Variants in GRIP1 observed in about 807,000 individuals in gnomAD.
The protein encoded by GRIP1 is glutamate receptor-interacting protein 1.
A neutral mutation model predicts 129.9 loss-of-function variants in GRIP1; 45 were observed. The ratio of observed to expected loss-of-function variants is 0.35; its 90% CI spans 0.27 to 0.44. GRIP1 has a LOEUF of 0.44. GRIP1 is among the 20% of genes least tolerant of loss of function. GRIP1 has a pLI of 1.00. For synonymous variants in GRIP1, 530 were observed against 520.8 expected (o/e 1.02, Z -0.24); for missense variants, 1,196 against 1,396.8 (o/e 0.86, Z 2.29).
intron 1 of GRIP1, among the ~76,000 whole-genome samples, chr12:67,063,274 G>A (rs1381808875): frequency 6.6e-6 from 1 of 152,128 alleles, no homozygotes; most frequent in African/African-American, 2.4e-5. Context: ...TCTTTACATT[G>A]TATTCATCAC....
At chr12:66,515,162 G>C (rs988322888) in intron 7 of GRIP1, among the ~76,000 whole-genome samples, 3 of 151,922 alleles carry the variant, frequency 2.0e-5, no homozygotes, top group African/African-American at 7.3e-5. Flanking sequence ...CCCTAAATCT[G>C]ATTGTGAAAT....
intron 7 of GRIP1, among the ~76,000 whole-genome samples, chr12:66,469,704 C>T (rs1474105746): frequency 6.6e-6 from 1 of 152,014 alleles, no homozygotes; most frequent in African/African-American, 2.4e-5. Context: ...TTATTGACAA[C>T]AGTCTACAGA....
intron 13 of GRIP1, among the ~76,000 whole-genome samples, chr12:66,434,048 T>G (rs911153279): frequency 3.9e-5 from 6 of 152,212 alleles, no homozygotes; most frequent in African/African-American, 1.4e-4. Context: ...GAATTGCTCT[T>G]CTTGACCTCT....
chr12:66,454,301 T>G (rs1474642804), intron 11 of GRIP1, among the ~76,000 whole-genome samples: 1 of 152,212 alleles, frequency 6.6e-6, no homozygotes, highest in African/African-American at 2.4e-5. Context: ...AGCTGTGAAG[T>G]ATCTGGCTTT....
intron 1 of GRIP1, among the ~76,000 whole-genome samples, chr12:66,873,698 G>T (rs2137162965): frequency 6.6e-6 from 1 of 151,986 alleles, no homozygotes; most frequent in East Asian, 1.9e-4. Context: ...CAAGTCCCTG[G>T]TGCTATGACT....
At chr12:67,068,247 C>A (rs2043664795) in intron 1 of GRIP1, among the ~76,000 whole-genome samples, 1 of 152,146 alleles carries the variant, frequency 6.6e-6, no homozygotes, top group South Asian at 2.1e-4. Context: ...TTCCTCTCCG[C>A]AAGTTACTTA....
At chr12:66,901,198 A>C (rs1007643270) in intron 1 of GRIP1, among the ~76,000 whole-genome samples, 1 of 152,268 alleles carries the variant, frequency 6.6e-6, no homozygotes, top group Non-Finnish European at 1.5e-5. Flanking sequence ...TTTTGAAAAC[A>C]AAAACCATCC....
At chr12:66,436,485 C>T (rs963324976) in intron 13 of GRIP1, among the ~76,000 whole-genome samples, 46 of 152,008 alleles carry the variant, frequency 3.0e-4, no homozygotes, top group African/African-American at 1.1e-3. Context: ...GTTTAAAAGG[C>T]AGTAACAAAC....
intron 14 of GRIP1, among the ~76,000 whole-genome samples, chr12:66,430,750 T>G (rs2058123005): frequency 6.6e-6 from 1 of 152,210 alleles, no homozygotes; most frequent in Non-Finnish European, 1.5e-5. Flanking sequence ...AAAACAAAAT[T>G]AAAGACAATA....
intron 23 of GRIP1, among the ~76,000 whole-genome samples, chr12:66,370,624 T>A (rs1469143328): frequency 1.3e-5 from 2 of 152,158 alleles, no homozygotes; most frequent in African/African-American, 4.8e-5. Context: ...CCACAAAAAA[T>A]GTCTTGGTTC....
chr12:66,663,718 C>T (rs7977214), intron 1 of GRIP1, among the ~76,000 whole-genome samples: 106,004 of 152,060 alleles, frequency 0.7, 38,040 homozygotes, highest in African/African-American at 0.88. Flanking sequence ...AACTTTGCCT[C>T]CTACACATAT....
chr12:66,409,738 C>T (rs1311977824), intron 15 of GRIP1, among the ~76,000 whole-genome samples: 2 of 152,088 alleles, frequency 1.3e-5, no homozygotes, highest in Non-Finnish European at 2.9e-5. Flanking sequence ...GATGTATGGC[C>T]TTTCATACAG....
chr12:66,949,896 G>T (rs976265059), intron 1 of GRIP1, among the ~76,000 whole-genome samples: 2 of 151,084 alleles, frequency 1.3e-5, no homozygotes, highest in Non-Finnish European at 2.9e-5. Flanking sequence ...GCCCCCCCGA[G>T]TAGCTGGGAC....
intron 19 of GRIP1, among the ~76,000 whole-genome samples, chr12:66,389,017 C>A (rs1472841511): frequency 6.6e-6 from 1 of 152,092 alleles, no homozygotes; most frequent in Non-Finnish European, 1.5e-5. Flanking sequence ...CGATTTCCAG[C>A]CCCAGGAGGA....
chr12:66,550,867 C>T (rs922330505), intron 2 of GRIP1, among the ~76,000 whole-genome samples: 1 of 152,070 alleles, frequency 6.6e-6, no homozygotes, highest in Non-Finnish European at 1.5e-5. Flanking sequence ...GAGTGGTGGA[C>T]ATTTAAATGT....
intron 2 of GRIP1, among the ~76,000 whole-genome samples, chr12:66,579,494 A>G (rs1438929125): frequency 6.6e-6 from 1 of 152,210 alleles, no homozygotes; most frequent in African/African-American, 2.4e-5. Flanking sequence ...AAGGCAAAGA[A>G]GTTAAAAACT....
In GRIP1 at chr12:66,869,576, GGTAA is replaced by G. The variant is rs372548415; in HGVS notation, c.58+199470_58+199473del. Among the ~76,000 whole-genome samples the G allele has an allele frequency of 3.9e-3, 601 of 152,216 alleles. 4 individuals carry two copies. The highest frequency in any genetic ancestry group is 0.014 in the African/African-American group (584 of 41,536). On this transcript the variant is annotated intron_variant, in intron 1 of 1. Coordinates refer to the GRIP1 transcript ENST00000643019. Reference sequence around the variant, plus strand: ...AAGCCATAAAGTATTCCAGACTGTGGGTAAGTGTCAAGGTGATGAGCATAAATGG... The same window carrying G: ...AAGCCATAAAGTATTCCAGACTGTGGGTGTCAAGGTGATGAGCATAAATGG...
intron 5 of GRIP1, among the ~76,000 whole-genome samples, chr12:66,518,270 C>T (rs1015502573): frequency 2.0e-5 from 3 of 152,030 alleles, no homozygotes; most frequent in Non-Finnish European, 4.4e-5. Flanking sequence ...AGTACTGGCC[C>T]GATTTGAACA....
intron 1 of GRIP1, among the ~76,000 whole-genome samples, chr12:66,827,387 T>TGTGTGAGAGAGAGA (rs755458052): frequency 1.1e-3 from 121 of 108,278 alleles, no homozygotes; most frequent in Middle Eastern, 9.9e-3. Context: ...TGTGTGTGTG[T>TGTGTGAGAGAGAGA]GAGAGAGAGA....
Sources: allele counts gnomAD v4.1 joint callset (sites outside exome capture counted in the v4.1 genomes callset), GRCh38; gene constraint gnomAD v4.1.1; transcripts MANE v1.5; gene names NCBI Gene and HGNC (gene_info 2026-07-23, HGNC 2026-07-21).